Variants in FRMD3 observed in about 807,000 individuals in gnomAD.
FRMD3 encodes FERM domain containing 3.
FRMD3 carries 33 observed loss-of-function variants against 70.2 expected under a neutral mutation model. That is an observed-to-expected ratio of 0.47 (90% confidence interval 0.36 to 0.63). The LOEUF (loss-of-function observed/expected upper bound fraction) is 0.63. Ranked by LOEUF, FRMD3 falls within the 20% of genes least tolerant of loss-of-function variation. The pLI is 0.00. For missense variants in FRMD3, 632 were observed against 711.4 expected (o/e 0.89, Z 1.27); for synonymous variants, 279 against 255.9 (o/e 1.09, Z -0.86).
chr9:83,375,699 A>G (rs986660115), intron 2 of FRMD3, among the ~76,000 whole-genome samples: 15 of 152,166 alleles, frequency 9.9e-5, no homozygotes, highest in Non-Finnish European at 2.1e-4. Flanking sequence ...GGGGAACAAC[A>G]CACACTGGGG....
chr9:83,343,608 G>A (rs1823852712), intron 4 of FRMD3, among the ~76,000 whole-genome samples: 1 of 152,154 alleles, frequency 6.6e-6, no homozygotes, highest in African/African-American at 2.4e-5. Flanking sequence ...TCCCGCACGA[G>A]GACAGCCATG....
At chr9:83,404,829 G>C (rs1031421227) in intron 1 of FRMD3, among the ~76,000 whole-genome samples, 1 of 152,158 alleles carries the variant, frequency 6.6e-6, no homozygotes, top group African/African-American at 2.4e-5. Context: ...TTTTATTTGC[G>C]TTTTCTAGCT....
intron 1 of FRMD3, among the ~76,000 whole-genome samples, chr9:83,503,965 C>T (rs1247778011): frequency 6.6e-6 from 1 of 152,212 alleles, no homozygotes; most frequent in African/African-American, 2.4e-5. Context: ...GAACCAGCTG[C>T]TCTGTAGCTG....
chr9:83,324,894 C>T (rs938624305), intron 6 of FRMD3, among the ~76,000 whole-genome samples: 32 of 152,310 alleles, frequency 2.1e-4, no homozygotes, highest in Non-Finnish European at 3.5e-4. Flanking sequence ...TTCTAAAGTG[C>T]TTGTCAGGGC....
At chr9:83,437,768 G>A (rs1206436084) in intron 1 of FRMD3, among the ~76,000 whole-genome samples, 6 of 152,132 alleles carry the variant, frequency 3.9e-5, no homozygotes, top group Non-Finnish European at 8.8e-5. Flanking sequence ...AAAGAGAGAC[G>A]GGACACATGT....
chr9:83,310,187 T>C (rs868541174), intron 9 of FRMD3, among the ~76,000 whole-genome samples: 1 of 152,218 alleles, frequency 6.6e-6, no homozygotes, highest in Non-Finnish European at 1.5e-5. Context: ...GTTTCACATG[T>C]CTGTATCTTG....
At chr9:83,365,483 G>GCA (rs910919590) in intron 3 of FRMD3, among the ~76,000 whole-genome samples, 3 of 152,014 alleles carry the variant, frequency 2.0e-5, no homozygotes, top group African/African-American at 7.3e-5. Flanking sequence ...GTATAAGGCA[G>GCA]CTATTGTTTT....
chr9:83,349,648 C>T (rs2277176), intron 4 of FRMD3, 31 bp downstream of exon 4: 74,464 of 1,493,872 alleles, frequency 0.05, 2,494 homozygotes, highest in East Asian at 0.18. Flanking sequence ...GTTAAAGGTG[C>T]ACGTTAAACA....
the FRMD3 span, among the ~76,000 whole-genome samples, chr9:83,564,387 G>A: frequency 6.6e-6 from 1 of 152,148 alleles, no homozygotes; most frequent in African/African-American, 2.4e-5. Flanking sequence ...CCAAGCTCTA[G>A]GGAAGTCACC....
chr9:83,371,163 A>T (rs939243253), intron 3 of FRMD3, among the ~76,000 whole-genome samples: 4 of 152,226 alleles, frequency 2.6e-5, no homozygotes, highest in Non-Finnish European at 4.4e-5. Context: ...ATACTGAAAA[A>T]TAGTCTAAAT....
intron 3 of FRMD3, among the ~76,000 whole-genome samples, chr9:83,367,975 C>T (rs1824842948): frequency 6.6e-6 from 1 of 152,174 alleles, no homozygotes; most frequent in African/African-American, 2.4e-5. Flanking sequence ...TTTTCAAAGA[C>T]TAGCTTCTAC....
chr9:83,573,913 T>G, the FRMD3 span, among the ~76,000 whole-genome samples: 4 of 152,070 alleles, frequency 2.6e-5, no homozygotes, highest in Admixed American at 1.3e-4. Flanking sequence ...GGCTGTGTTG[T>G]TTTCAAAACA....
intron 13 of FRMD3, among the ~76,000 whole-genome samples, chr9:83,269,317 T>TA: frequency 6.6e-6 from 1 of 152,320 alleles, no homozygotes; most frequent in South Asian, 2.1e-4. Flanking sequence ...AGAAAACAAG[T>TA]AAAAAACCTG....
At chr9:83,565,881 T>C in the FRMD3 span, among the ~76,000 whole-genome samples, 1 of 152,204 alleles carries the variant, frequency 6.6e-6, no homozygotes, top group Non-Finnish European at 1.5e-5. Context: ...AATAAGCCAC[T>C]AGTTATTCTG....
At chr9:83,457,034 T>C (rs75596574) in intron 1 of FRMD3, among the ~76,000 whole-genome samples, 9,063 of 152,078 alleles carry the variant, frequency 0.06, 329 homozygotes, top group East Asian at 0.19. Flanking sequence ...GCTTAAAGAA[T>C]GAAACACCGA....
chr9:83,314,896 T>C (rs10780588), intron 6 of FRMD3, among the ~76,000 whole-genome samples: 35,275 of 152,060 alleles, frequency 0.23, 4,536 homozygotes, highest in East Asian at 0.41. Flanking sequence ...AATAAATGGG[T>C]CTTGAAACTT....
At chr9:83,487,887 A>G (rs11140117) in intron 1 of FRMD3, among the ~76,000 whole-genome samples, 21,033 of 152,184 alleles carry the variant, frequency 0.14, 1,619 homozygotes, top group East Asian at 0.32. Flanking sequence ...TTTTTCCAAA[A>G]TATCTTTAAT....
rs909629237 is a variant in FRMD3 at position 83,303,934 on chromosome 9, G to A, written c.927-4748C>T. On this transcript the variant is annotated intron_variant, in intron 10 of 13. Transcript: ENST00000304195. ...TCACCACTCCCAGCCCTAAGCAACC[G>A]CTCATCTAGTTTATATATTTGCCAT... Among the ~76,000 whole-genome samples the A allele has an allele frequency of 5.3e-5, 8 of 152,154 alleles. No individual in the cohort carries two copies. The East Asian group carries it at 7.7e-4, about 15-fold the overall frequency.
intron 6 of FRMD3, among the ~76,000 whole-genome samples, chr9:83,317,869 A>G (rs940088727): frequency 6.6e-6 from 1 of 152,198 alleles, no homozygotes; most frequent in Non-Finnish European, 1.5e-5. Flanking sequence ...ACAGTATGGG[A>G]AAAGCTGTCA....
Sources: allele counts gnomAD v4.1 joint callset (sites outside exome capture counted in the v4.1 genomes callset), GRCh38; gene constraint gnomAD v4.1.1; transcripts MANE v1.5; gene names NCBI Gene and HGNC (gene_info 2026-07-23, HGNC 2026-07-21).